The following ITGAE variants were observed in gnomAD, a reference collection of about 807,000 sequenced individuals.
ITGAE encodes the protein integrin subunit alpha E.
A neutral mutation model predicts 136.5 loss-of-function variants in ITGAE; 99 were observed. The observed-to-expected ratio is 0.73, with a 90% CI of 0.62 to 0.86. The LOEUF (loss-of-function observed/expected upper bound fraction) is 0.86. Ranked by LOEUF, ITGAE falls within the 40% of genes least tolerant of loss-of-function variation. The pLI is 0.00. For missense variants in ITGAE, 1,447 were observed against 1,515.3 expected (o/e 0.95, Z 0.75); for synonymous variants, 613 against 591.8 (o/e 1.04, Z -0.52).
At chr17:3,781,507 C>A (rs1002395985) in intron 1 of ITGAE, among the ~76,000 whole-genome samples, 1 of 152,048 alleles carries the variant, frequency 6.6e-6, no homozygotes, top group Non-Finnish European at 1.5e-5. Context: ...TACAGGCACC[C>A]GCCATCATGC....
intron 17 of ITGAE, among the ~76,000 whole-genome samples, chr17:3,747,405 T>C (rs182943995): frequency 2.6e-4 from 39 of 151,988 alleles, no homozygotes; most frequent in African/African-American, 8.4e-4. Context: ...GCAAGCTCCG[T>C]CTCCTGGGTT....
At chr17:3,778,156 TG>T (rs1403902683) in intron 1 of ITGAE, among the ~76,000 whole-genome samples, 1 of 151,746 alleles carries the variant, frequency 6.6e-6, no homozygotes, top group African/African-American at 2.4e-5. Context: ...ACAACCCAAA[TG>T]TCCATCAACA....
intron 3 of ITGAE, among the ~76,000 whole-genome samples, chr17:3,762,628 T>C (rs2052202523): frequency 6.8e-6 from 1 of 146,928 alleles, no homozygotes; most frequent in African/African-American, 2.5e-5. Context: ...GACAGAGTCT[T>C]GCTCTGTCGC....
chr17:3,795,623 A>G (rs919317523), intron 1 of ITGAE, among the ~76,000 whole-genome samples: 1 of 152,248 alleles, frequency 6.6e-6, no homozygotes, highest in African/African-American at 2.4e-5. Flanking sequence ...AAACAGAGAG[A>G]GGCCAGGGTC....
chr17:3,761,277 C>T (rs2052161379), intron 5 of ITGAE, 100 bp from the exon 6 acceptor site: 2 of 1,550,954 alleles, frequency 1.3e-6, no homozygotes, highest in Admixed American at 1.8e-5. Context: ...CACGTGATGC[C>T]TCAACCCTGC....
intron 20 of ITGAE, among the ~76,000 whole-genome samples, chr17:3,737,826 T>C (rs1172918277): frequency 6.6e-6 from 1 of 152,104 alleles, no homozygotes; most frequent in Non-Finnish European, 1.5e-5. Context: ...ACGACCAGGC[T>C]CACTAGCGTT....
chr17:3,789,684 A>G (rs1490812616), intron 1 of ITGAE, among the ~76,000 whole-genome samples: 2 of 151,932 alleles, frequency 1.3e-5, no homozygotes, highest in Non-Finnish European at 2.9e-5. Flanking sequence ...TATTTTTTGT[A>G]GAGATGGAGT....
At chr17:3,775,721 C>T (rs1407024230) in intron 2 of ITGAE, among the ~76,000 whole-genome samples, 6 of 151,882 alleles carry the variant, frequency 4.0e-5, no homozygotes, top group African/African-American at 1.5e-4. Context: ...CCACCGGCCT[C>T]GGCCTCCCAA....
Position 3,720,319 on chromosome 17 carries a change from G to A in ITGAE, c.3321C>T (p.Asn1107=). 2 of 1,557,242 alleles carry A rather than the reference G, an allele frequency of 1.3e-6. No individual in the cohort carries two copies. Among genetic ancestry groups the A allele is most frequent in the Non-Finnish European group, 8.9e-7 (1 of 1,128,336 alleles). ...KSLYEGLNAE[N]HRTKITVVFL... ...AGCCAGGAATTACCTTAGTTCTGTG[G>A]TTCTCTGCATTCAGTCCCTCATATA... is the stretch of plus-strand genomic sequence containing the variant. The change falls in exon 29 of 31, where the codon AAC becomes AAT. Residue 1107 remains asparagine, a synonymous_variant. Transcript: ENST00000263087.
Position 3,750,332 on chromosome 17 carries a change from A to G in ITGAE, c.2024+20T>C. 6.2e-7 allele frequency: 1 copy of G among 1,613,160 alleles called. No individual in the cohort carries two copies. Among genetic ancestry groups the G allele is most frequent in the Non-Finnish European group, 8.5e-7 (1 of 1,179,622 alleles). On this transcript the variant is annotated intron_variant, in intron 16 of 30. Transcript: ENST00000263087. ...GGTGAGGCTGGGCCTGGGACCCCAG[A>G]AAGCAGGACAGAACCCTACCGGAAC...
At position 3,751,873 on chromosome 17, in the gene ITGAE, T is replaced by C. The variant is rs778161131; in HGVS notation, c.1670A>G (p.Asp557Gly). 1.2e-6 allele frequency: 2 copies of C among 1,613,184 alleles called. No homozygotes were observed. Among genetic ancestry groups the C allele is most frequent in the Non-Finnish European group, 1.7e-6 (2 of 1,179,342 alleles). The change falls in exon 15 of 31, where the codon GAT becomes GGT. Residue 557 changes from aspartate to glycine, a missense_variant and splice_region_variant. Coordinates refer to ENST00000263087, the MANE Select transcript of ITGAE (RefSeq NM_002208.5). ...RVYVYRLSEQ[D>G]GSFSLARILS... ...TATGCGTGCCAAGGAGAAAGAACCA[T>C]CCTGTAAAGCAAACAAACAGCTCAG...
intron 26 of ITGAE, chr17:3,726,409 C>T: frequency 7.4e-6 from 7 of 948,674 alleles, no homozygotes; most frequent in Non-Finnish European, 1.1e-5. Flanking sequence ...CCTCCATCCC[C>T]ACAGGAGGGT....
In ITGAE at chr17:3,724,981, C is replaced by G. The variant is rs947561109; in HGVS notation, c.3085-1237G>C. The G allele has an allele frequency of 4.3e-6, 7 of 1,614,078 alleles. No homozygotes were observed. The African/African-American group carries it at 8.0e-5, about 18-fold the overall frequency. On this transcript the variant is annotated intron_variant, in intron 26 of 30. Transcript: ENST00000263087. The stretch of plus-strand genomic sequence containing the variant: ...AAACATCAGGAGGCAACGGAAACCT[C>G]TCTCCTCCATTCCCACCGCTTTAAA...
At chr17:3,739,685 C>T in intron 20 of ITGAE, 120 bp downstream of exon 20, 1 of 804,520 alleles carries the variant, frequency 1.2e-6, no homozygotes, top group South Asian at 1.4e-5. Context: ...AGTGCAGAAG[C>T]CATTTGTGGG....
intron 29 of ITGAE, among the ~76,000 whole-genome samples, chr17:3,719,390 T>C (rs1443053008): frequency 6.6e-6 from 1 of 152,126 alleles, no homozygotes; most frequent in East Asian, 1.9e-4. Context: ...CCAGCATCAC[T>C]CTCCTGACAT....
chr17:3,765,140 G>A (rs935815468), intron 2 of ITGAE, among the ~76,000 whole-genome samples: 11 of 151,914 alleles, frequency 7.2e-5, no homozygotes, highest in Middle Eastern at 3.2e-3. Context: ...ACGAGGTCAG[G>A]AGATCGAGAC....
chr17:3,736,610 C>G (rs2051463974), intron 20 of ITGAE, among the ~76,000 whole-genome samples: 1 of 152,158 alleles, frequency 6.6e-6, no homozygotes, highest in African/African-American at 2.4e-5. Flanking sequence ...GTCCACATGT[C>G]CTGGAAAAGA....
chr17:3,736,078 GT>G (rs2051454081), intron 20 of ITGAE, among the ~76,000 whole-genome samples: 1 of 152,154 alleles, frequency 6.6e-6, no homozygotes, highest in African/African-American at 2.4e-5. Context: ...GGTAGGGGGA[GT>G]TTGCAGAGGG....
At chr17:3,726,487 G>C in intron 26 of ITGAE, 1 of 617,942 alleles carries the variant, frequency 1.6e-6, no homozygotes, top group Non-Finnish European at 2.9e-6. Flanking sequence ...AATGGAAACT[G>C]AAATATTTGT....
Sources: allele counts gnomAD v4.1 joint callset (sites outside exome capture counted in the v4.1 genomes callset), GRCh38; gene constraint gnomAD v4.1.1; transcripts MANE v1.5; gene names NCBI Gene and HGNC (gene_info 2026-07-23, HGNC 2026-07-21).